Variants in PODNL1 observed in about 807,000 individuals in gnomAD.
PODNL1 encodes podocan like 1.
Under a neutral mutation model 45.1 loss-of-function variants are expected in PODNL1, and 50 were observed. That is an observed-to-expected ratio of 1.11 (90% confidence interval 0.88 to 1.40). The LOEUF is 1.40. PODNL1 is among the 40% of genes most tolerant of loss of function. The pLI is 0.00. For synonymous variants in PODNL1, 406 were observed against 372.5 expected, an observed-to-expected ratio of 1.09 and a Z score of -1.04; for missense variants, 788 against 793.3, an observed-to-expected ratio of 0.99 and a Z score of 0.08.
intron 1 of PODNL1, chr19:13,949,421 C>G (rs1050470056): frequency 6.6e-6 from 1 of 152,120 alleles, no homozygotes; most frequent in Non-Finnish European, 1.5e-5. Context: ...ATCCTCCCGA[C>G]TCAGCCTCCC....
intron 1 of PODNL1, among the ~76,000 whole-genome samples, chr19:13,951,854 G>A (rs1404217590): frequency 6.6e-6 from 1 of 152,162 alleles, no homozygotes; most frequent in African/African-American, 2.4e-5. Flanking sequence ...GCTATGATCT[G>A]CATAATTGGC....
At chr19:13,942,521 C>T (rs1287196694), upstream of PODNL1, among the ~76,000 whole-genome samples, 2 of 152,176 alleles carry the variant, frequency 1.3e-5, no homozygotes, top group Non-Finnish European at 2.9e-5. Flanking sequence ...GCAACAAACT[C>T]CCCTTCTGCC....
Position 13,932,034 on chromosome 19 carries a change from C to T in PODNL1, c.1504G>A (p.Gly502Ser). 1 of 1,232,378 alleles carries T rather than the reference C, an allele frequency of 8.1e-7. No homozygotes were observed. Among genetic ancestry groups the T allele is most frequent in the South Asian group, 4.1e-5 (1 of 24,326 alleles). 76.3% of individuals were successfully genotyped at this position (1,232,378 alleles called of 1,614,324 possible). Reference sequence around the variant, plus strand: ...GGGCCCACGTGGCCGATGCGGTTGCCCTCGAGGTGCAGCTCCTCTAGGGCC... The same window carrying T: ...GGGCCCACGTGGCCGATGCGGTTGCTCTCGAGGTGCAGCTCCTCTAGGGCC... Reference protein sequence around the residue: ...PEALEELHLEGNRIGHVGPEA... With the variant: ...PEALEELHLESNRIGHVGPEA... Residue 502 changes from glycine (G) to serine (S), a missense_variant, in exon 9 of 10, where the codon GGC (glycine) becomes AGC (serine). By Grantham distance (56) the Gly-to-Ser change is moderately conservative. Transcript: ENST00000588872.
At chr19:13,937,730 C>T (rs1461866251) in intron 2 of PODNL1, 55 bp downstream of exon 2, 5 of 1,500,362 alleles carry the variant, frequency 3.3e-6, no homozygotes, top group Middle Eastern at 1.7e-4. Context: ...CCTCCAGCTC[C>T]CCTCACCACT....
chr19:13,936,055 AG>A lies in PODNL1; in HGVS notation c.320-12del. 2 of 1,548,694 alleles carry A rather than the reference AG, an allele frequency of 1.3e-6. No homozygotes were observed. The highest frequency in any genetic ancestry group is 8.7e-7 in the Non-Finnish European group (1 of 1,146,772). On this transcript the variant is annotated splice_polypyrimidine_tract_variant and intron_variant, in intron 3 of 9. Coordinates refer to ENST00000588872, the MANE Select transcript of PODNL1 (RefSeq NM_001370095.3). ...CCTCGTCAGGCAGGCCTGGGAGAGTAGGGGGGCAGTGAAGGGACCCCAGGCC... is the reference window on the plus strand; with the variant it reads ...CCTCGTCAGGCAGGCCTGGGAGAGTAGGGGGCAGTGAAGGGACCCCAGGCC...
rs1439896210 is a variant in PODNL1, at chr19:13,937,976, G to A, written c.34C>T (p.Pro12Ser). Residue 12 changes from proline to serine, a missense_variant, in exon 2 of 10, where the codon CCG becomes TCG. Coordinates refer to ENST00000588872, the MANE Select transcript of PODNL1 (RefSeq NM_001370095.3). Reference sequence around the variant, plus strand: ...AAGCCGGCGACGGGCGGGGGCCCCGGCAACAGCAGGAGCAGCAGCAGGCTC... The same window carrying A: ...AAGCCGGCGACGGGCGGGGGCCCCGACAACAGCAGGAGCAGCAGCAGGCTC... ...WPSLLLLLLL[P>S]GPPPVAGLED... 4 of 1,540,506 alleles carry A rather than the reference G, an allele frequency of 2.6e-6. 1 individual carries two copies. Among genetic ancestry groups the A allele is most frequent in the South Asian group, 2.4e-5 (2 of 83,716 alleles).
rs376362504 is a variant in PODNL1 at position 13,933,169 on chromosome 19, G to A, written c.1054C>T (p.Arg352Cys). 1.5e-4 allele frequency: 227 copies of A among 1,532,230 alleles called. 1 individual carries two copies. In the South Asian group the frequency reaches 1.8e-3, roughly 12 times the overall value. The allele number at this position is 1,532,230 out of a possible 1,614,324, so 94.9% of individuals were successfully genotyped here. ...LDRVPPALPR[R>C]LRALVLPHNH... ...TGGGGCAGCACCAGGGCACGCAGGC[G>A]GCGGGGCAGGGCTGGAGGCACGCGG... Residue 352 changes from arginine to cysteine, a missense_variant, in exon 8 of 10, where the codon CGC becomes TGC. Transcript: ENST00000588872. This position sits in a 1 kb window ranked among gnomAD's most constrained non-coding sequence, Gnocchi z 5.2.
At position 13,933,863 on chromosome 19, in the gene PODNL1, C is replaced by G. The variant is rs1395169956; in HGVS notation, c.767+15G>C. 1.3e-6 allele frequency: 2 copies of G among 1,580,774 alleles called. No individual in the cohort carries two copies. Among genetic ancestry groups the G allele is most frequent in the African/African-American group, 2.7e-5 (2 of 74,026 alleles). ...GTAAATTCTCAGCCCCTGCTGCCCC[C>G]CAACCAGCCTGTACCTGAAGGTGGT... is the stretch of plus-strand genomic sequence containing the variant. On this transcript the variant is annotated intron_variant, in intron 7 of 9. Coordinates refer to ENST00000588872, the MANE Select transcript of PODNL1 (RefSeq NM_001370095.3). The surrounding 1 kb of genome is among the most constrained non-coding windows in gnomAD (Gnocchi z 5.2).
At position 13,933,834 on chromosome 19, in the gene PODNL1, G is replaced by T; in HGVS notation, c.767+44C>A. 1.3e-6 allele frequency: 2 copies of T among 1,513,434 alleles called. No individual in the cohort carries two copies. The highest frequency in any genetic ancestry group is 1.2e-5 in the South Asian group (1 of 83,400). 93.8% of individuals were successfully genotyped at this position (1,513,434 alleles called of 1,614,324 possible). On this transcript the variant is annotated intron_variant, in intron 7 of 9. Transcript: ENST00000588872. The surrounding 1 kb of genome is among the most constrained non-coding windows in gnomAD (Gnocchi z 5.2). ...AGGGGGACTGAAGGTTGGGACCCCCGACTGTAAATTCTCAGCCCCTGCTGC... is the reference window on the plus strand; with the variant it reads ...AGGGGGACTGAAGGTTGGGACCCCCTACTGTAAATTCTCAGCCCCTGCTGC...
At position 13,952,535 on chromosome 19, in the gene PODNL1, A is replaced by C. The variant is rs1396443327; in HGVS notation, c.18+584T>G. 7 of 1,250,584 alleles carry C rather than the reference A, an allele frequency of 5.6e-6. No homozygotes were observed. In the Admixed American group the frequency reaches 2.1e-4, roughly 38 times the overall value. 77.5% of individuals were successfully genotyped at this position (1,250,584 alleles called of 1,614,324 possible). ...AAAATGGCGCCCAGCTCGAAATCGGAGCGGAACAGCGGGGCTGGGAGCGGC... is the reference window on the plus strand; with the variant it reads ...AAAATGGCGCCCAGCTCGAAATCGGCGCGGAACAGCGGGGCTGGGAGCGGC... On this transcript the variant is annotated intron_variant, in intron 1 of 7. Coordinates refer to the PODNL1 transcript ENST00000538371.
chr19:13,934,869 A>T (rs537791150), intron 5 of PODNL1, among the ~76,000 whole-genome samples: 1 of 150,880 alleles, frequency 6.6e-6, no homozygotes, highest in East Asian at 2.0e-4. Flanking sequence ...GTGTGTGTGC[A>T]GCCGAGTGTG....
At chr19:13,932,504 G>A in intron 8 of PODNL1, 1 of 693,826 alleles carries the variant, frequency 1.4e-6, no homozygotes, top group Non-Finnish European at 2.3e-6. Flanking sequence ...TGGGACTACA[G>A]GCATGTGCCA....
At chr19:13,934,548 G>A in intron 5 of PODNL1, 138 bp from the exon 6 acceptor site, 2 of 842,032 alleles carry the variant, frequency 2.4e-6, no homozygotes, top group Non-Finnish European at 3.4e-6. Flanking sequence ...TGTGGAGTCT[G>A]TGTGGGAATG....
At chr19:13,943,137 A>G (rs926988693), upstream of PODNL1, among the ~76,000 whole-genome samples, 5 of 151,672 alleles carry the variant, frequency 3.3e-5, no homozygotes, top group African/African-American at 1.2e-4. Flanking sequence ...TCTCTACTAA[A>G]AATACAAAAT....
intron 2 of PODNL1, 39 bp from the exon 3 acceptor site, chr19:13,936,499 C>G: frequency 2.6e-6 from 4 of 1,536,530 alleles, no homozygotes; most frequent in Non-Finnish European, 3.6e-6. Flanking sequence ...CCCGTGACCC[C>G]GTGACCAAGT....
upstream of PODNL1, chr19:13,938,545 G>C (rs142684185): frequency 7.6e-3 from 7,466 of 979,100 alleles, 35 homozygotes; most frequent in Non-Finnish European, 8.5e-3. Flanking sequence ...TATTTGGGAC[G>C]ACCGCAGGAG....
rs150959680 is a variant in PODNL1, at chr19:13,953,006, G to A, written c.18+113C>T. 668 of 1,241,780 alleles carry A rather than the reference G, an allele frequency of 5.4e-4. 1 individual carries two copies. The highest frequency in any genetic ancestry group is 7.3e-4 in the Admixed American group (36 of 49,200). The allele number at this position is 1,241,780 out of a possible 1,614,324, so 76.9% of individuals were successfully genotyped here. ...TCTGCTCCCATGGTTGCTCCATAAT[G>A]GAACCTTCCCGCCCCCTTTGCAGAG... On this transcript the variant is annotated intron_variant, in intron 1 of 7. Coordinates refer to the PODNL1 transcript ENST00000538371.
intron 1 of PODNL1, among the ~76,000 whole-genome samples, chr19:13,943,826 G>T (rs1972733951): frequency 6.6e-6 from 1 of 152,086 alleles, no homozygotes. Context: ...GTTAATCTGG[G>T]ATAATCTCAT....
intron 5 of PODNL1, among the ~76,000 whole-genome samples, chr19:13,934,979 T>C (rs1188014912): frequency 2.0e-5 from 3 of 151,896 alleles, no homozygotes; most frequent in Non-Finnish European, 4.4e-5. Context: ...TGTGTGCATG[T>C]GATTGCGTGT....
Sources: allele counts gnomAD v4.1 joint callset (sites outside exome capture counted in the v4.1 genomes callset), GRCh38; gene constraint gnomAD v4.1.1; non-coding constraint Gnocchi (gnomAD v3.1); transcripts MANE v1.5; gene names NCBI Gene and HGNC (gene_info 2026-07-23, HGNC 2026-07-21).